SDK1: variants seen among roughly 807,000 people sequenced by gnomAD.
SDK1 encodes sidekick cell adhesion molecule 1.
A neutral mutation model predicts 245.5 loss-of-function variants in SDK1; 157 were observed. The observed-to-expected ratio is 0.64, with a 90% confidence interval of 0.56 to 0.73. SDK1 has a LOEUF of 0.73. Ranked by LOEUF, SDK1 falls within the 30% of genes least tolerant of loss-of-function variation. SDK1 has a pLI of 0.00. For synonymous variants in SDK1, 1,647 were observed against 1,278.5 expected (o/e 1.29, Z -6.15); for missense variants, 3,583 against 3,002.3 (o/e 1.19, Z -4.52).
chr7:3,711,920 C>T (rs754623413), intron 4 of SDK1, among the ~76,000 whole-genome samples: 42 of 152,126 alleles, frequency 2.8e-4, no homozygotes, highest in Admixed American at 7.9e-4. Context: ...TTTTCCTGTG[C>T]GGGCAAGTTA....
At chr7:3,723,552 C>T (rs74387650) in intron 4 of SDK1, among the ~76,000 whole-genome samples, 1,715 of 152,026 alleles carry the variant, frequency 0.011, 20 homozygotes, top group African/African-American at 0.037. Context: ...TTGATATAAC[C>T]TTATGAACTT....
At chr7:3,324,814 T>A (rs937157906) in intron 1 of SDK1, among the ~76,000 whole-genome samples, 5 of 152,302 alleles carry the variant, frequency 3.3e-5, no homozygotes, top group Admixed American at 2.6e-4. Context: ...TTATTAAACC[T>A]ATGCCCAGGA....
intron 5 of SDK1, among the ~76,000 whole-genome samples, chr7:3,898,531 T>C (rs1781679344): frequency 6.6e-6 from 1 of 152,236 alleles, no homozygotes; most frequent in African/African-American, 2.4e-5. Context: ...TGATTGGTTT[T>C]AGACTCGGTA....
In SDK1 at chr7:3,679,555, A is replaced by C. The variant is rs572682443; in HGVS notation, c.713+37450A>C. 6.1e-4 allele frequency among the ~76,000 whole-genome samples: 93 copies of C among 152,012 alleles called. 1 individual carries two copies. Among genetic ancestry groups the C allele is most frequent in the African/African-American group, 2.2e-3 (92 of 41,442 alleles). ...GCACTCCAGCCTGGGCGACAGAGCG[A>C]GACTCCATCTCAAAAAAGAAAAGAA... is the stretch of plus-strand genomic sequence containing the variant. On this transcript the variant is annotated intron_variant, in intron 4 of 44. Transcript: ENST00000404826.
chr7:3,499,393 A>G (rs1038523407), intron 1 of SDK1, among the ~76,000 whole-genome samples: 1 of 152,200 alleles, frequency 6.6e-6, no homozygotes, highest in Non-Finnish European at 1.5e-5. Context: ...TGTATGCCAC[A>G]TAAAGAAAAG....
At position 3,604,175 on chromosome 7, in the gene SDK1, T is replaced by C. The variant is rs372202634; in HGVS notation, c.299-14905T>C. ...TGGTTGTGTCTCTGCCAGGCTTTGGTATCAGGATGATGTTGGCCTCATAAA... is the reference window on the plus strand; with the variant it reads ...TGGTTGTGTCTCTGCCAGGCTTTGGCATCAGGATGATGTTGGCCTCATAAA... On this transcript the variant is annotated intron_variant, in intron 1 of 44. Coordinates refer to ENST00000404826, the MANE Select transcript of SDK1 (RefSeq NM_152744.4). Among the ~76,000 whole-genome samples the C allele has an allele frequency of 3.0e-4, 45 of 152,322 alleles. 1 individual carries two copies. The highest frequency in any genetic ancestry group is 6.8e-3 in the Middle Eastern group (2 of 294).
At chr7:3,310,174 A>G (rs1779517008) in intron 1 of SDK1, among the ~76,000 whole-genome samples, 1 of 152,188 alleles carries the variant, frequency 6.6e-6, no homozygotes, top group South Asian at 2.1e-4. Flanking sequence ...TGTGGCTGAA[A>G]CCCAGCTGTC....
chr7:4,039,973 GC>G (rs1285028189), intron 17 of SDK1, among the ~76,000 whole-genome samples: 2 of 152,064 alleles, frequency 1.3e-5, no homozygotes, highest in Admixed American at 1.3e-4. Flanking sequence ...AATAAGAAGC[GC>G]CCCCACATGC....
chr7:3,759,492 G>T (rs540162857), intron 4 of SDK1, among the ~76,000 whole-genome samples: 2 of 152,202 alleles, frequency 1.3e-5, no homozygotes, highest in South Asian at 4.2e-4. Context: ...CTGTCTCCCT[G>T]CAGTTACCCA....
chr7:4,227,623 G>A (rs1327828790), intron 40 of SDK1, among the ~76,000 whole-genome samples: 3 of 152,214 alleles, frequency 2.0e-5, no homozygotes, highest in Admixed American at 1.3e-4. Context: ...CGTGGAACCA[G>A]AAATCTCAGG....
At chr7:4,234,142 A>G (rs1785992725) in intron 41 of SDK1, among the ~76,000 whole-genome samples, 2 of 152,210 alleles carry the variant, frequency 1.3e-5, no homozygotes, top group Non-Finnish European at 2.9e-5. Context: ...CCTCCCAGAA[A>G]GCCAGCGGAG....
chr7:3,829,095 A>C (rs1779852086), intron 5 of SDK1, among the ~76,000 whole-genome samples: 1 of 152,250 alleles, frequency 6.6e-6, no homozygotes, highest in Non-Finnish European at 1.5e-5. Flanking sequence ...GATTCCTTTG[A>C]ATACATATAG....
intron 35 of SDK1, among the ~76,000 whole-genome samples, chr7:4,180,448 GCACC>G (rs1782537987): frequency 1.3e-5 from 2 of 149,160 alleles, no homozygotes; most frequent in African/African-American, 2.5e-5. Flanking sequence ...TCTATGCCCA[GCACC>G]CGGCTCCAGC....
intron 4 of SDK1, among the ~76,000 whole-genome samples, chr7:3,725,570 G>A (rs763146300): frequency 2.6e-5 from 4 of 152,112 alleles, no homozygotes; most frequent in African/African-American, 4.8e-5. Context: ...GCTCACTCTT[G>A]CCACTCTTTG....
At chr7:3,349,050 A>G (rs1780585011) in intron 1 of SDK1, among the ~76,000 whole-genome samples, 1 of 151,664 alleles carries the variant, frequency 6.6e-6, no homozygotes, top group East Asian at 1.9e-4. Context: ...TCTCCTTTTT[A>G]CCCCTTTGGC....
chr7:4,206,778 C>T (rs555014727), intron 36 of SDK1, among the ~76,000 whole-genome samples: 44 of 152,304 alleles, frequency 2.9e-4, no homozygotes, highest in African/African-American at 1.0e-3. Context: ...ATTCCCCTGT[C>T]TATTCTGCTG....
chr7:4,097,482 G>GCAT (rs1350091922), intron 22 of SDK1, among the ~76,000 whole-genome samples: 1 of 152,228 alleles, frequency 6.6e-6, no homozygotes, highest in Non-Finnish European at 1.5e-5. Flanking sequence ...GGTGGACAGG[G>GCAT]CATCGCACAC....
At chr7:3,521,722 A>G (rs1190851512) in intron 1 of SDK1, among the ~76,000 whole-genome samples, 1 of 152,178 alleles carries the variant, frequency 6.6e-6, no homozygotes, top group Admixed American at 6.6e-5. Context: ...TTGAACAAAT[A>G]GGATGTAGGA....
At chr7:4,181,277 C>T (rs985558616) in intron 35 of SDK1, among the ~76,000 whole-genome samples, 1 of 152,242 alleles carries the variant, frequency 6.6e-6, no homozygotes, top group African/African-American at 2.4e-5. Flanking sequence ...TCGGAATTGC[C>T]TTCCTTTTCA....
Sources: allele counts gnomAD v4.1 joint callset (sites outside exome capture counted in the v4.1 genomes callset), GRCh38; gene constraint gnomAD v4.1.1; transcripts MANE v1.5; gene names NCBI Gene and HGNC (gene_info 2026-07-23, HGNC 2026-07-21).